The following DLGAP2 variants were observed in gnomAD, a reference collection of about 807,000 sequenced individuals.
DLGAP2 encodes the protein disks large-associated protein 2.
A neutral mutation model predicts 100.3 loss-of-function variants in DLGAP2; 26 were observed. The observed-to-expected ratio is 0.26, with a 90% CI of 0.19 to 0.36. DLGAP2 has a LOEUF of 0.36. DLGAP2 is among the 10% of genes least tolerant of loss of function. The pLI is 1.00. For synonymous variants in DLGAP2, 886 were observed against 630.1 expected (o/e 1.41, Z -6.08); for missense variants, 1,858 against 1,453.2 (o/e 1.28, Z -4.53).
chr8:962,814 G>A (rs969664087), intron 2 of DLGAP2, among the ~76,000 whole-genome samples: 1 of 152,178 alleles, frequency 6.6e-6, no homozygotes, highest in Non-Finnish European at 1.5e-5. Flanking sequence ...ACTTTGCTGT[G>A]GCCCTCAGGT....
chr8:1,590,091 A>C (rs1245656167), intron 6 of DLGAP2, among the ~76,000 whole-genome samples: 2 of 151,976 alleles, frequency 1.3e-5, no homozygotes, highest in Non-Finnish European at 2.9e-5. Context: ...GCATCACTCC[A>C]CCCTCGGCCT....
intron 2 of DLGAP2, among the ~76,000 whole-genome samples, chr8:909,119 T>C (rs1032464273): frequency 6.6e-6 from 1 of 152,224 alleles, no homozygotes; most frequent in African/African-American, 2.4e-5. Flanking sequence ...GTCCCTGTTT[T>C]GTTTTCTTTT....
At chr8:836,980 A>G (rs1435008291) in intron 1 of DLGAP2, among the ~76,000 whole-genome samples, 1 of 152,174 alleles carries the variant, frequency 6.6e-6, no homozygotes, top group East Asian at 1.9e-4. Context: ...TAGGAAAACA[A>G]TGTTCTTCTC....
At chr8:1,090,460 C>T (rs1234998197) in intron 2 of DLGAP2, among the ~76,000 whole-genome samples, 1 of 152,260 alleles carries the variant, frequency 6.6e-6, no homozygotes, top group Admixed American at 6.5e-5. Flanking sequence ...AGCTTTTGAC[C>T]ACGACAGGGT....
rs186594469 is a variant in DLGAP2 at position 1,306,028 on chromosome 8, A to G, written c.106+47145A>G. ...TTCCTTTTTCAGAAGAGGAAATGCC[A>G]CTTCTACTCATCATAGTAGTAGAAG... On this transcript the variant is annotated intron_variant, in intron 3 of 14. Transcript: ENST00000637795. 1.6e-3 allele frequency among the ~76,000 whole-genome samples: 234 copies of G among 150,824 alleles called. 2 individuals are homozygous for G. The highest frequency in any genetic ancestry group is 2.3e-3 in the Non-Finnish European group (154 of 67,866).
rs146060495 is a variant in DLGAP2 at position 1,000,775 on chromosome 8, C to T, written c.73+92809C>T. Among the ~76,000 whole-genome samples, 617 of 152,170 alleles carry T rather than the reference C, an allele frequency of 4.1e-3. 5 individuals carry two copies. The highest frequency in any genetic ancestry group is 0.011 in the African/African-American group (463 of 41,514). The stretch of plus-strand genomic sequence containing the variant: ...GGGGCGTTGGGGGTGAGGAGGGTGA[C>T]GGTGTGGAGGTGGCTCCTCAAGACT... On this transcript the variant is annotated intron_variant, in intron 2 of 14. Transcript: ENST00000637795.
chr8:1,707,035 A>G lies in DLGAP2; in HGVS notation c.*5629A>G, dbSNP rs1024727026. 1 of 152,674 alleles carries G rather than the reference A, an allele frequency of 6.5e-6. No individual in the cohort carries two copies. Among genetic ancestry groups the G allele is most frequent in the African/African-American group, 2.4e-5 (1 of 41,468 alleles). The allele number at this position is 152,674 out of a possible 1,614,324, so 9.5% of individuals were successfully genotyped here. On this transcript the variant is annotated 3_prime_UTR_variant, in exon 15 of 15. Transcript: ENST00000637795. The stretch of plus-strand genomic sequence containing the variant: ...AAGTTTCAATGTAAACACTTAACAG[A>G]TGACTTCTTTGCAGAAGAAATGTTC...
chr8:1,319,023 C>G (rs368779280), intron 3 of DLGAP2, among the ~76,000 whole-genome samples: 3 of 143,810 alleles, frequency 2.1e-5, no homozygotes, highest in East Asian at 4.2e-4. Flanking sequence ...TGTATCAGTG[C>G]GAGCTCGGTG....
At chr8:850,168 T>C (rs918709964) in intron 1 of DLGAP2, among the ~76,000 whole-genome samples, 2 of 152,178 alleles carry the variant, frequency 1.3e-5, no homozygotes, top group Non-Finnish European at 2.9e-5. Context: ...TTTGCAGATA[T>C]ATCTCCCCCA....
intron 2 of DLGAP2, among the ~76,000 whole-genome samples, chr8:988,546 G>A (rs762269761): frequency 6.6e-6 from 1 of 152,194 alleles, no homozygotes; most frequent in Non-Finnish European, 1.5e-5. Context: ...CTCGGCCTCT[G>A]TTCAGCCTTG....
rs185094794 is a variant in DLGAP2 at position 742,912 on chromosome 8, T to C, written c.18+5087T>C. Among the ~76,000 whole-genome samples, 517 of 152,296 alleles carry C rather than the reference T, an allele frequency of 3.4e-3. 4 individuals are homozygous for C. Among genetic ancestry groups the C allele is most frequent in the African/African-American group, 0.011 (463 of 41,550 alleles). ...TAGGGTTAAGGAGGATTAAATGAATTCATGACTGTAAAGTGATAAGAATGG... is the reference window on the plus strand; with the variant it reads ...TAGGGTTAAGGAGGATTAAATGAATCCATGACTGTAAAGTGATAAGAATGG... On this transcript the variant is annotated intron_variant, in intron 1 of 14. Transcript: ENST00000637795.
At chr8:869,702 T>C (rs1477460685) in intron 1 of DLGAP2, among the ~76,000 whole-genome samples, 1 of 152,236 alleles carries the variant, frequency 6.6e-6, no homozygotes, top group African/African-American at 2.4e-5. Context: ...AGTTGGAACA[T>C]TCGGGGATCA....
intron 2 of DLGAP2, among the ~76,000 whole-genome samples, chr8:994,935 G>A (rs1223893415): frequency 6.6e-6 from 1 of 152,138 alleles, no homozygotes; most frequent in Non-Finnish European, 1.5e-5. Flanking sequence ...GACAACGGTG[G>A]TACAGTTGGC....
intron 3 of DLGAP2, among the ~76,000 whole-genome samples, chr8:1,370,738 A>G (rs1802217980): frequency 6.6e-6 from 1 of 152,168 alleles, no homozygotes; most frequent in Non-Finnish European, 1.5e-5. Flanking sequence ...TTGCTGGTGT[A>G]TGTAGGAGCC....
intron 1 of DLGAP2, among the ~76,000 whole-genome samples, chr8:885,926 G>C (rs1018070074): frequency 6.6e-6 from 1 of 152,184 alleles, no homozygotes; most frequent in Non-Finnish European, 1.5e-5. Flanking sequence ...AAATGAGTTA[G>C]GGAGGAGTCC....
intron 2 of DLGAP2, among the ~76,000 whole-genome samples, chr8:934,877 C>G (rs1233554812): frequency 6.6e-6 from 1 of 152,140 alleles, no homozygotes; most frequent in Non-Finnish European, 1.5e-5. Context: ...GAGTGATTTG[C>G]TGTCCAAAGA....
chr8:1,267,629 T>TAAAATAAAATAAAATAAAATAAAATAAAA, intron 3 of DLGAP2, among the ~76,000 whole-genome samples: 1 of 17,282 alleles, frequency 5.8e-5, no homozygotes. Context: ...AAGATAAATA[T>TAAAATAAAATAAAATAAAATAAAATAAAA]TAAATAGGTC....
chr8:1,506,551 A>G lies in DLGAP2; in HGVS notation c.172+5120A>G, dbSNP rs576673922. ...GACCCAAAGAGTGAGCAACAGCAAG[A>G]TTTAGTGCATACAGCGTAAAAATTA... On this transcript the variant is annotated intron_variant, in intron 4 of 14. Transcript: ENST00000637795. 8.5e-5 allele frequency among the ~76,000 whole-genome samples: 13 copies of G among 152,316 alleles called. No individual in the cohort carries two copies. The East Asian group carries it at 1.5e-3, about 18-fold the overall frequency.
rs191979855 is a variant in DLGAP2 at position 1,626,702 on chromosome 8, C to T, written c.1443-38C>T. 417 of 1,565,994 alleles carry T rather than the reference C, an allele frequency of 2.7e-4. 3 individuals are homozygous for T. The East Asian group carries it at 9.2e-3, about 35-fold the overall frequency. On this transcript the variant is annotated intron_variant, in intron 6 of 14. Coordinates refer to ENST00000637795, the MANE Select transcript of DLGAP2 (RefSeq NM_001346810.2). ...TCCCACCTCTGCCCTGCAGCGGGTGCTCACAGAATGCCTTTTCTCCTTTCT... is the reference window on the plus strand; with the variant it reads ...TCCCACCTCTGCCCTGCAGCGGGTGTTCACAGAATGCCTTTTCTCCTTTCT...
Sources: allele counts gnomAD v4.1 joint callset (sites outside exome capture counted in the v4.1 genomes callset), GRCh38; gene constraint gnomAD v4.1.1; transcripts MANE v1.5; gene names NCBI Gene and HGNC (gene_info 2026-07-23, HGNC 2026-07-21).